Variants in LARGE1 observed in about 807,000 individuals in gnomAD.
The protein encoded by LARGE1 is LARGE xylosyl- and glucuronyltransferase 1.
In LARGE1, 43 loss-of-function variants were observed where a neutral mutation model predicts 87.6. The observed-to-expected ratio is 0.49, with a 90% CI of 0.38 to 0.63. LARGE1 has a LOEUF of 0.63. Ranked by LOEUF, LARGE1 falls within the 30% of genes least tolerant of loss-of-function variation. LARGE1 has a pLI of 0.00. For missense variants in LARGE1, 802 were observed against 1,000.2 expected (o/e 0.80, Z 2.67); for synonymous variants, 434 against 394.6 (o/e 1.10, Z -1.18).
chr22:33,524,623 T>C (rs531455515), intron 6 of LARGE1, among the ~76,000 whole-genome samples: 11 of 152,132 alleles, frequency 7.2e-5, no homozygotes, highest in African/African-American at 2.6e-4. Context: ...CCTGGAGGGT[T>C]TGGAGTAAGC....
intron 3 of LARGE1, among the ~76,000 whole-genome samples, chr22:33,627,427 A>C (rs1040403058): frequency 2.6e-5 from 4 of 152,176 alleles, no homozygotes; most frequent in Non-Finnish European, 4.4e-5. Flanking sequence ...CTCCAGTTGC[A>C]TTCTGTCCTG....
intron 3 of LARGE1, among the ~76,000 whole-genome samples, chr22:33,647,914 C>T (rs1354090997): frequency 1.3e-5 from 2 of 152,118 alleles, no homozygotes; most frequent in African/African-American, 4.8e-5. Flanking sequence ...CGCGCCACCA[C>T]ATCCGGCTGA....
intron 10 of LARGE1, among the ~76,000 whole-genome samples, chr22:33,323,053 G>T (rs889439351): frequency 2.6e-5 from 4 of 151,950 alleles, no homozygotes; most frequent in Non-Finnish European, 5.9e-5. Flanking sequence ...ACCTGGGAGG[G>T]GATGGTTGCA....
At chr22:33,478,183 A>G (rs5749616) in intron 6 of LARGE1, among the ~76,000 whole-genome samples, 150,083 of 152,336 alleles carry the variant, frequency 0.99, 73,929 homozygotes, top group Middle Eastern at 1. Context: ...ATTCTCAGAG[A>G]AGAAGCTCAT....
At chr22:33,338,222 G>C (rs1938710429) in intron 9 of LARGE1, among the ~76,000 whole-genome samples, 1 of 152,180 alleles carries the variant, frequency 6.6e-6, no homozygotes. Context: ...TCTGGAAGGG[G>C]AGAAAGGCGC....
chr22:33,600,276 C>T (rs2079079772), intron 5 of LARGE1, among the ~76,000 whole-genome samples: 1 of 152,146 alleles, frequency 6.6e-6, no homozygotes, highest in Non-Finnish European at 1.5e-5. Context: ...TAGCACACAT[C>T]TATAAAGCTT....
intron 3 of LARGE1, among the ~76,000 whole-genome samples, chr22:33,642,297 A>C (rs2080458824): frequency 6.6e-6 from 1 of 152,184 alleles, no homozygotes; most frequent in Non-Finnish European, 1.5e-5. Flanking sequence ...TCATAAGCAA[A>C]GGAGAAATAA....
intron 2 of LARGE1, among the ~76,000 whole-genome samples, chr22:33,668,201 T>C (rs1051438126): frequency 1.3e-5 from 2 of 152,240 alleles, no homozygotes; most frequent in African/African-American, 4.8e-5. Context: ...ATAAGCTTGA[T>C]GAAACTGAGC....
intron 10 of LARGE1, among the ~76,000 whole-genome samples, chr22:33,323,396 T>A (rs1270840367): frequency 1.3e-5 from 2 of 152,230 alleles, no homozygotes; most frequent in Non-Finnish European, 2.9e-5. Flanking sequence ...CACATATCTG[T>A]TGTACAAAGG....
At chr22:33,282,867 C>A (rs761425200) in intron 13 of LARGE1, among the ~76,000 whole-genome samples, 18 of 152,156 alleles carry the variant, frequency 1.2e-4, no homozygotes, top group Non-Finnish European at 1.9e-4. Flanking sequence ...AACTCGGAGC[C>A]AGGAGATGGC....
At chr22:33,604,824 C>A (rs530707503) in intron 4 of LARGE1, among the ~76,000 whole-genome samples, 1 of 152,230 alleles carries the variant, frequency 6.6e-6, no homozygotes, top group African/African-American at 2.4e-5. Context: ...AGGCCAAACG[C>A]CATACCTGTT....
chr22:33,144,538 T>C, the LARGE1 span, among the ~76,000 whole-genome samples: 1 of 152,166 alleles, frequency 6.6e-6, no homozygotes, highest in Admixed American at 6.5e-5. Flanking sequence ...GATTCAGTGC[T>C]GTCAAGAATC....
chr22:33,523,456 T>A (rs1485823992), intron 6 of LARGE1, among the ~76,000 whole-genome samples: 1 of 152,222 alleles, frequency 6.6e-6, no homozygotes, highest in Non-Finnish European at 1.5e-5. Context: ...ACTTGTCTTT[T>A]AAAATACTAA....
downstream of LARGE1, among the ~76,000 whole-genome samples, chr22:33,160,435 C>T (rs1471117186): frequency 6.6e-6 from 1 of 152,194 alleles, no homozygotes; most frequent in East Asian, 1.9e-4. Context: ...TCCAACCACT[C>T]TACCTTGCTG....
chr22:33,770,782 T>C (rs2085045105), intron 1 of LARGE1, among the ~76,000 whole-genome samples: 1 of 152,238 alleles, frequency 6.6e-6, no homozygotes, highest in Non-Finnish European at 1.5e-5. Context: ...TGTGTGCATG[T>C]GTGTGTACAT....
rs369749028 is a variant in LARGE1, at chr22:33,411,210, G to A, written c.892+20951C>T. Among the ~76,000 whole-genome samples the A allele has an allele frequency of 1.3e-3, 195 of 152,268 alleles. 2 individuals carry two copies. The highest frequency in any genetic ancestry group is 4.2e-3 in the African/African-American group (175 of 41,562). On this transcript the variant is annotated intron_variant, in intron 7 of 14. Coordinates refer to ENST00000397394, the MANE Select transcript of LARGE1 (RefSeq NM_133642.5). ...CACATTTTCAGGAACGGCCACCCCC[G>A]TGTAAATACTAAGCCAGGTCAACTC...
intron 2 of LARGE1, among the ~76,000 whole-genome samples, chr22:33,688,865 C>T (rs1160537223): frequency 3.3e-5 from 5 of 152,050 alleles, no homozygotes; most frequent in South Asian, 4.1e-4. Context: ...ATTGGTAGGG[C>T]ACGCTGATTG....
chr22:33,679,574 G>A (rs1237001663), intron 2 of LARGE1, among the ~76,000 whole-genome samples: 1 of 152,068 alleles, frequency 6.6e-6, no homozygotes, highest in East Asian at 1.9e-4. Context: ...CAGGTACGGT[G>A]GTTCACACCT....
intron 6 of LARGE1, among the ~76,000 whole-genome samples, chr22:33,490,246 A>G (rs2069772540): frequency 6.6e-6 from 1 of 152,214 alleles, no homozygotes; most frequent in Non-Finnish European, 1.5e-5. Flanking sequence ...CGTCTTATCC[A>G]TCTTCATTTA....
Sources: allele counts gnomAD v4.1 joint callset (sites outside exome capture counted in the v4.1 genomes callset), GRCh38; gene constraint gnomAD v4.1.1; transcripts MANE v1.5; gene names NCBI Gene and HGNC (gene_info 2026-07-23, HGNC 2026-07-21).